VWF: variants seen among roughly 807,000 people sequenced by gnomAD.
VWF encodes the protein von Willebrand factor.
VWF carries 176 observed loss-of-function variants against 308.6 expected under a neutral mutation model. That is an observed-to-expected ratio of 0.57 (90% CI 0.50 to 0.65). VWF has a LOEUF of 0.65. Among genes scored for constraint, VWF ranks in the 30% least tolerant of loss-of-function variants. The pLI, the probability that VWF is intolerant of heterozygous loss-of-function variation, is 0.00. For missense variants in VWF, 3,146 were observed against 3,648.2 expected (o/e 0.86, Z 3.55); for synonymous variants, 1,385 against 1,443.4 (o/e 0.96, Z 0.92).
At chr12:6,031,891 G>T (rs1457352314) in intron 20 of VWF, among the ~76,000 whole-genome samples, 1 of 152,150 alleles carries the variant, frequency 6.6e-6, no homozygotes, top group Non-Finnish European at 1.5e-5. Flanking sequence ...AGGCTCAAAG[G>T]CCTTGCCTAG....
chr12:5,965,173 C>A (rs140828207), intron 47 of VWF, among the ~76,000 whole-genome samples: 44 of 152,300 alleles, frequency 2.9e-4, no homozygotes, highest in Non-Finnish European at 4.7e-4. Context: ...TCAGGAGCAG[C>A]CTCTTCCTCC....
At chr12:5,967,629 C>T (rs1256456111) in intron 46 of VWF, 27 bp from the exon 47 acceptor site, 4 of 1,568,596 alleles carry the variant, frequency 2.6e-6, no homozygotes, top group Admixed American at 3.4e-5. Flanking sequence ...CAGGGTCAGG[C>T]CCCCCAGCAT....
At chr12:6,072,550 A>C in intron 8 of VWF, 108 bp from the exon 9 acceptor site, 1 of 897,524 alleles carries the variant, frequency 1.1e-6, no homozygotes, top group Non-Finnish European at 1.8e-6. Flanking sequence ...CAGGAAGCTC[A>C]AAGAACTTGT....
At chr12:6,026,692 C>T (rs773085026) in intron 22 of VWF, among the ~76,000 whole-genome samples, 2 of 152,156 alleles carry the variant, frequency 1.3e-5, no homozygotes, top group Non-Finnish European at 2.9e-5. Context: ...TTCTAGTGTT[C>T]GGTAGCACCA....
rs1391201211 is a variant in VWF, at chr12:6,063,006, T to C, written c.1481A>G (p.Tyr494Cys). The change falls in exon 13 of 52, where the codon TAC becomes TGC. Residue 494 changes from tyrosine to cysteine, a missense_variant. Physicochemically the swap from Tyr to Cys is radical, Grantham distance 194. Coordinates refer to ENST00000261405, the MANE Select transcript of VWF (RefSeq NM_000552.5). This position sits in a 1 kb window ranked among gnomAD's most constrained non-coding sequence, Gnocchi z 4.9. ...CCAGTCCATCTGCAGGTCCTCCCCG[T>C]AGCTGAGGCGCACGGAGGCCGTCAC... ...HTVTASVRLSYGEDLQMDWDG... is the reference protein window; with the variant it reads ...HTVTASVRLSCGEDLQMDWDG... The C allele has an allele frequency of 6.2e-7, 1 of 1,613,646 alleles. No individual in the cohort carries two copies. Among genetic ancestry groups the C allele is most frequent in the African/African-American group, 1.3e-5 (1 of 75,032 alleles).
intron 10 of VWF, among the ~76,000 whole-genome samples, chr12:6,069,760 T>C (rs534259471): frequency 6.6e-6 from 1 of 152,360 alleles, no homozygotes; most frequent in South Asian, 2.1e-4. Flanking sequence ...GTTTATCTTT[T>C]CATCAAGACA....
intron 6 of VWF, among the ~76,000 whole-genome samples, chr12:6,092,892 C>T (rs141769189): frequency 0.011 from 1,734 of 152,060 alleles, 15 homozygotes; most frequent in Middle Eastern, 0.031. Flanking sequence ...TGCCTCCTCC[C>T]ATTATGAATA....
chr12:6,030,170 G>A lies in VWF; in HGVS notation c.2821-682C>T, dbSNP rs190734241. On this transcript the variant is annotated intron_variant, in intron 21 of 51. Coordinates refer to ENST00000261405, the MANE Select transcript of VWF (RefSeq NM_000552.5). ...GGCTGAGAACTGCCATCATCCCTTTGCAGAGGTCCTCTCATTAGTAACATA... is the reference window on the plus strand; with the variant it reads ...GGCTGAGAACTGCCATCATCCCTTTACAGAGGTCCTCTCATTAGTAACATA... Among the ~76,000 whole-genome samples, 801 of 152,260 alleles carry A rather than the reference G, an allele frequency of 5.3e-3. 1 individual carries two copies. Among genetic ancestry groups the A allele is most frequent in the Non-Finnish European group, 8.5e-3 (580 of 68,026 alleles).
At chr12:6,084,774 G>C (rs1944949926) in intron 6 of VWF, among the ~76,000 whole-genome samples, 2 of 152,172 alleles carry the variant, frequency 1.3e-5, no homozygotes, top group Non-Finnish European at 2.9e-5. Context: ...GCCCCTGGTA[G>C]GTATGGAGGC....
intron 25 of VWF, among the ~76,000 whole-genome samples, chr12:6,023,278 G>C (rs1944150574): frequency 6.6e-6 from 1 of 152,094 alleles, no homozygotes; most frequent in Non-Finnish European, 1.5e-5. Context: ...AGATTCTATA[G>C]ACATGAATGT....
At chr12:6,104,839 T>C (rs1309038486) in intron 5 of VWF, among the ~76,000 whole-genome samples, 5 of 152,168 alleles carry the variant, frequency 3.3e-5, no homozygotes, top group Non-Finnish European at 7.3e-5. Context: ...AGCAAAGACA[T>C]GGTATGAACC....
chr12:6,034,613 A>C, intron 20 of VWF, 75 bp downstream of exon 20: 1 of 1,609,782 alleles, frequency 6.2e-7, no homozygotes, highest in Non-Finnish European at 8.5e-7. Context: ...AGATCCACAG[A>C]ACCCAACCTG....
chr12:5,985,105 G>A lies in VWF; in HGVS notation c.6916C>T (p.Leu2306=), dbSNP rs138997660. Residue 2306 remains leucine, a synonymous_variant, in exon 40 of 52, where the codon CTG becomes TTG. Coordinates refer to ENST00000261405, the MANE Select transcript of VWF (RefSeq NM_000552.5). ...CPTAKAPTCG[L]CEVARLRQNA... Reference sequence around the variant, plus strand: ...TGGCGGAGGCGGGCTACTTCACACAGGCCACACGTGGGAGCTAGAGGAGAG... The same window carrying A: ...TGGCGGAGGCGGGCTACTTCACACAAGCCACACGTGGGAGCTAGAGGAGAG... The A allele has an allele frequency of 1.2e-6, 2 of 1,614,088 alleles. No individual in the cohort carries two copies. The highest frequency in any genetic ancestry group is 2.7e-5 in the African/African-American group (2 of 74,928).
intron 6 of VWF, among the ~76,000 whole-genome samples, chr12:6,078,795 G>A (rs77107641): frequency 0.011 from 1,721 of 152,146 alleles, 40 homozygotes; most frequent in African/African-American, 0.038. Context: ...GCCGTGACCA[G>A]ACAGAGCCCA....
intron 30 of VWF, 45 bp from the exon 31 acceptor site, chr12:6,016,277 C>T (rs1263737124): frequency 6.2e-7 from 1 of 1,613,990 alleles, no homozygotes; most frequent in East Asian, 2.2e-5. Context: ...CTGACTGCGG[C>T]TCGACACCCT....
At chr12:6,014,956 T>C (rs1201131462) in intron 31 of VWF, among the ~76,000 whole-genome samples, 1 of 152,236 alleles carries the variant, frequency 6.6e-6, no homozygotes, top group African/African-American at 2.4e-5. Flanking sequence ...GGATTCTTGA[T>C]ACTGAAGGAG....
chr12:6,023,504 C>G, intron 25 of VWF, 127 bp downstream of exon 25: 1 of 1,409,226 alleles, frequency 7.1e-7, no homozygotes, highest in South Asian at 1.3e-5. Flanking sequence ...CCTTGGCCAT[C>G]CAGTCCCTAC....
chr12:5,971,591 G>A lies in VWF; in HGVS notation c.7548+8C>T. 1 of 1,612,432 alleles carries A rather than the reference G, an allele frequency of 6.2e-7. No individual in the cohort carries two copies. Among genetic ancestry groups the A allele is most frequent in the Non-Finnish European group, 8.5e-7 (1 of 1,178,740 alleles). ...GCCCTCCTCCCCGTCCCGGGGGCCTGGACCTACACTCTTCCAGGAAGACTG... is the reference window on the plus strand; with the variant it reads ...GCCCTCCTCCCCGTCCCGGGGGCCTAGACCTACACTCTTCCAGGAAGACTG... On this transcript the variant is annotated splice_region_variant and intron_variant, in intron 44 of 51. Coordinates refer to ENST00000261405, the MANE Select transcript of VWF (RefSeq NM_000552.5).
At chr12:6,114,600 G>T (rs1579229) in intron 3 of VWF, among the ~76,000 whole-genome samples, 8,422 of 152,210 alleles carry the variant, frequency 0.055, 630 homozygotes, top group African/African-American at 0.17. Flanking sequence ...GCAGACCCTG[G>T]GGTAACTTGC....
Sources: allele counts gnomAD v4.1 joint callset (sites outside exome capture counted in the v4.1 genomes callset), GRCh38; gene constraint gnomAD v4.1.1; non-coding constraint Gnocchi (gnomAD v3.1); transcripts MANE v1.5; gene names NCBI Gene and HGNC (gene_info 2026-07-23, HGNC 2026-07-21).